Variants in BCAS3 observed in about 807,000 individuals in gnomAD.
BCAS3 encodes the protein BCAS3 microtubule associated cell migration factor.
In BCAS3, 53 loss-of-function variants were observed where a neutral mutation model predicts 116.1. The observed-to-expected ratio is 0.46, with a 90% CI of 0.37 to 0.57. The LOEUF is 0.57. BCAS3 is among the 20% of genes least tolerant of loss of function. The pLI, the probability that BCAS3 is intolerant of heterozygous loss-of-function variation, is 0.00. For synonymous variants in BCAS3, 391 were observed against 408.2 expected, an observed-to-expected ratio of 0.96 and a Z score of 0.51; for missense variants, 917 against 1,165.4, an observed-to-expected ratio of 0.79 and a Z score of 3.10.
intron 4 of BCAS3, among the ~76,000 whole-genome samples, chr17:60,703,064 C>A (rs554567160): frequency 6.9e-4 from 104 of 151,050 alleles, no homozygotes; most frequent in African/African-American, 2.4e-3. Flanking sequence ...CACCTGAGGC[C>A]AGGAGTTTGA....
intron 22 of BCAS3, among the ~76,000 whole-genome samples, chr17:61,231,713 C>T (rs2082688151): frequency 6.6e-6 from 1 of 151,760 alleles, no homozygotes; most frequent in African/African-American, 2.4e-5. Flanking sequence ...ACCGTCTCTA[C>T]AAAATAATTT....
intron 4 of BCAS3, among the ~76,000 whole-genome samples, chr17:60,693,446 T>TC (rs1485238400): frequency 6.6e-6 from 1 of 151,698 alleles, no homozygotes; most frequent in African/African-American, 2.4e-5. Flanking sequence ...TCTCACTTTT[T>TC]CACCCAGGCT....
At position 61,327,633 on chromosome 17, in the gene BCAS3, C is replaced by T. The variant is rs569437777; in HGVS notation, c.2426-40694C>T. ...CAAGACATTCTCCTGCCTCAGCCTCCCGAGTAGCTGGGATTACAGGCATGT... is the reference window on the plus strand; with the variant it reads ...CAAGACATTCTCCTGCCTCAGCCTCTCGAGTAGCTGGGATTACAGGCATGT... On this transcript the variant is annotated intron_variant, in intron 22 of 23. Coordinates refer to ENST00000407086, the MANE Select transcript of BCAS3 (RefSeq NM_017679.5). The surrounding 1 kb of genome is among the most constrained non-coding windows in gnomAD (Gnocchi z 5.9). Among the ~76,000 whole-genome samples, 6 of 152,184 alleles carry T rather than the reference C, an allele frequency of 3.9e-5. No individual in the cohort carries two copies. In the East Asian group the frequency reaches 9.7e-4, roughly 25 times the overall value.
At chr17:60,871,756 A>G (rs1200585367) in intron 8 of BCAS3, among the ~76,000 whole-genome samples, 3 of 152,058 alleles carry the variant, frequency 2.0e-5, no homozygotes, top group African/African-American at 4.8e-5. Flanking sequence ...GTAATTATCT[A>G]TAATCCTTTT....
rs76688020 is a variant in BCAS3 at position 61,285,550 on chromosome 17, T to G, written c.2426-82777T>G. Among the ~76,000 whole-genome samples the G allele has an allele frequency of 8.0e-3, 1,225 of 152,326 alleles. 22 individuals are homozygous for G. Among genetic ancestry groups the G allele is most frequent in the African/African-American group, 0.028 (1,164 of 41,578 alleles). ...CCTCTAATTAAGCAGAATTAAGGTC[T>G]GGGCTCAAAACTGTCTTGAGCTGTG... On this transcript the variant is annotated intron_variant, in intron 22 of 23. Coordinates refer to ENST00000407086, the MANE Select transcript of BCAS3 (RefSeq NM_017679.5). The surrounding 1 kb of genome is among the most constrained non-coding windows in gnomAD (Gnocchi z 5.4).
At position 61,198,531 on chromosome 17, in the gene BCAS3, G is replaced by A. The variant is rs888582081; in HGVS notation, c.2425+113967G>A. ...TATACTAAAACTTTTGGGGGGAAGG[G>A]CCATTACCTTAATTTACACAATAGA... On this transcript the variant is annotated intron_variant, in intron 22 of 23. Coordinates refer to ENST00000407086, the MANE Select transcript of BCAS3 (RefSeq NM_017679.5). This position sits in a 1 kb window ranked among gnomAD's most constrained non-coding sequence, Gnocchi z 5.0. Among the ~76,000 whole-genome samples the A allele has an allele frequency of 6.6e-6, 1 of 152,274 alleles. No homozygotes were observed. The highest frequency in any genetic ancestry group is 1.9e-4 in the East Asian group (1 of 5,192).
At chr17:61,280,992 T>A (rs1226195341) in intron 22 of BCAS3, among the ~76,000 whole-genome samples, 1 of 152,164 alleles carries the variant, frequency 6.6e-6, no homozygotes, top group Non-Finnish European at 1.5e-5. Flanking sequence ...CACAAAATGG[T>A]ATAAAAAGAG....
intron 22 of BCAS3, among the ~76,000 whole-genome samples, chr17:61,142,322 G>A (rs1209193133): frequency 1.3e-5 from 2 of 152,120 alleles, no homozygotes; most frequent in Non-Finnish European, 2.9e-5. Context: ...ATAGTACAGC[G>A]GCTTTCTTGA....
In BCAS3 at chr17:61,243,102, G is replaced by A. The variant is rs146935427; in HGVS notation, c.2426-125225G>A. 0.02 allele frequency among the ~76,000 whole-genome samples: 3,080 copies of A among 152,094 alleles called. 92 individuals are homozygous for A. The highest frequency in any genetic ancestry group is 0.069 in the African/African-American group (2,879 of 41,478). On this transcript the variant is annotated intron_variant, in intron 22 of 23. Coordinates refer to ENST00000407086, the MANE Select transcript of BCAS3 (RefSeq NM_017679.5). This position sits in a 1 kb window ranked among gnomAD's most constrained non-coding sequence, Gnocchi z 5.6. Reference sequence around the variant, plus strand: ...AATTTTTGTATTTTTAGTAGAGATGGGGTTTCACCATGTTGGCCAAGATGG... The same window carrying A: ...AATTTTTGTATTTTTAGTAGAGATGAGGTTTCACCATGTTGGCCAAGATGG...
Position 61,352,236 on chromosome 17 carries a change from TG to T in BCAS3, c.2426-16089del, listed in dbSNP as rs1214525810. Among the ~76,000 whole-genome samples the T allele has an allele frequency of 6.6e-6, 1 of 152,180 alleles. No homozygotes were observed. Among genetic ancestry groups the T allele is most frequent in the East Asian group, 1.9e-4 (1 of 5,188 alleles). On this transcript the variant is annotated intron_variant, in intron 22 of 23. Transcript: ENST00000407086. The surrounding 1 kb of genome is among the most constrained non-coding windows in gnomAD (Gnocchi z 4.7). ...CTCTGGGCCCCTCCTGGGAGCCCCT[TG>T]GTGCTTTGGCTTTTTTCTTTTTTCC...
At chr17:60,864,805 CTT>C (rs2054454759) in intron 7 of BCAS3, among the ~76,000 whole-genome samples, 1 of 152,126 alleles carries the variant, frequency 6.6e-6, no homozygotes, top group African/African-American at 2.4e-5. Flanking sequence ...ATATGCAACT[CTT>C]TATTTCAAAT....
intron 4 of BCAS3, among the ~76,000 whole-genome samples, chr17:60,703,791 G>A (rs2036738892): frequency 6.6e-6 from 1 of 151,406 alleles, no homozygotes; most frequent in Admixed American, 6.6e-5. Context: ...GTGGGCGCCT[G>A]TAGTCCCAGC....
rs2081075147 is a variant in BCAS3 at position 61,205,630 on chromosome 17, C to G, written c.2425+121066C>G. On this transcript the variant is annotated intron_variant, in intron 22 of 23. Coordinates refer to ENST00000407086, the MANE Select transcript of BCAS3 (RefSeq NM_017679.5). The surrounding 1 kb of genome is among the most constrained non-coding windows in gnomAD (Gnocchi z 5.2). ...ACCACATGCTGTAGCGCCTCCTAAC[C>G]CTGCCGTTGGTCTGGAGTGAAGCAG... Among the ~76,000 whole-genome samples the G allele has an allele frequency of 6.6e-6, 1 of 152,302 alleles. No homozygotes were observed. Among genetic ancestry groups the G allele is most frequent in the Non-Finnish European group, 1.5e-5 (1 of 68,018 alleles).
chr17:60,683,925 T>C lies in BCAS3; in HGVS notation c.84-57T>C, dbSNP rs180742204. ...TATTAAGGCTTGTAAATAGAGCTTT[T>C]TTCATGTTCTATATTAAGCTCTCCT... On this transcript the variant is annotated intron_variant, in intron 2 of 23. Coordinates refer to ENST00000407086, the MANE Select transcript of BCAS3 (RefSeq NM_017679.5). The C allele has an allele frequency of 5.8e-5, 82 of 1,409,874 alleles. No homozygotes were observed. The African/African-American group carries it at 8.3e-4, about 14-fold the overall frequency. The allele number at this position is 1,409,874 out of a possible 1,614,324, so 87.3% of individuals were successfully genotyped here.
intron 7 of BCAS3, among the ~76,000 whole-genome samples, chr17:60,832,127 A>G (rs896777417): frequency 6.6e-6 from 1 of 152,228 alleles, no homozygotes; most frequent in African/African-American, 2.4e-5. Flanking sequence ...GTTTTAAATT[A>G]TTAAACACTG....
chr17:60,860,208 G>A lies in BCAS3; in HGVS notation c.477-8368G>A, dbSNP rs569003381. Reference sequence around the variant, plus strand: ...TAGCCATTCTGACTGGTGTGAGAAGGCATCTGATTGTGATTTTGATTTGCA... The same window carrying A: ...TAGCCATTCTGACTGGTGTGAGAAGACATCTGATTGTGATTTTGATTTGCA... On this transcript the variant is annotated intron_variant, in intron 7 of 23. Transcript: ENST00000407086. Among the ~76,000 whole-genome samples the A allele has an allele frequency of 2.6e-5, 4 of 152,276 alleles. No individual in the cohort carries two copies. In the South Asian group the frequency reaches 6.2e-4, roughly 24 times the overall value.
chr17:60,814,313 G>GCGCA (rs59479531), intron 7 of BCAS3, among the ~76,000 whole-genome samples: 7 of 149,972 alleles, frequency 4.7e-5, no homozygotes, highest in African/African-American at 1.0e-4. Context: ...GTGTGCGCGC[G>GCGCA]TGCCCATTGC....
intron 14 of BCAS3, among the ~76,000 whole-genome samples, chr17:60,951,258 C>G (rs2060814794): frequency 6.6e-6 from 1 of 151,920 alleles, no homozygotes; most frequent in African/African-American, 2.4e-5. Flanking sequence ...ATTATATTGT[C>G]TAGGAATTCT....
At chr17:61,306,531 C>T (rs967681002) in intron 22 of BCAS3, among the ~76,000 whole-genome samples, 2 of 152,162 alleles carry the variant, frequency 1.3e-5, no homozygotes, top group African/African-American at 2.4e-5. Context: ...AATCCCAGCA[C>T]TTTGGGAGGC....
Sources: allele counts gnomAD v4.1 joint callset (sites outside exome capture counted in the v4.1 genomes callset), GRCh38; gene constraint gnomAD v4.1.1; non-coding constraint Gnocchi (gnomAD v3.1); transcripts MANE v1.5; gene names NCBI Gene and HGNC (gene_info 2026-07-23, HGNC 2026-07-21).